The following PIGL variants were observed in gnomAD, a reference collection of about 807,000 sequenced individuals.
The protein encoded by PIGL is phosphatidylinositol glycan anchor biosynthesis class L.
PIGL carries 22 observed loss-of-function variants against 31.1 expected under a neutral mutation model. That is an observed-to-expected ratio of 0.71 (90% CI 0.51 to 1.01). The LOEUF is 1.01. Ranked by LOEUF, PIGL falls within the 50% of genes least tolerant of loss-of-function variation. The probability of loss-of-function intolerance (pLI) is 0.00; values close to 1 mark genes in which losing one functional copy is unlikely to be tolerated. For missense variants in PIGL, 302 were observed against 315.9 expected (o/e 0.96, Z 0.33); for synonymous variants, 131 against 117.4 (o/e 1.12, Z -0.75).
At chr17:16,220,444 GTTA>G (rs2092621748) in intron 1 of PIGL, among the ~76,000 whole-genome samples, 1 of 132,642 alleles carries the variant, frequency 7.5e-6, no homozygotes, top group Non-Finnish European at 1.6e-5. Context: ...TTTATTGTAT[GTTA>G]TTTATTCTTT....
chr17:16,299,253 A>G (rs1246531872), intron 2 of PIGL, among the ~76,000 whole-genome samples: 1 of 151,528 alleles, frequency 6.6e-6, no homozygotes, highest in Non-Finnish European at 1.5e-5. Context: ...TCAGGAGTTC[A>G]AGACCAGGCT....
intron 6 of PIGL, chr17:16,324,238 T>A (rs1360869851): frequency 6.6e-6 from 1 of 152,128 alleles, no homozygotes; most frequent in Non-Finnish European, 1.5e-5. Flanking sequence ...GTGCTGAGGT[T>A]ACAGGCATGA....
At chr17:16,275,874 A>C (rs1239143290) in intron 2 of PIGL, among the ~76,000 whole-genome samples, 1 of 152,148 alleles carries the variant, frequency 6.6e-6, no homozygotes, top group African/African-American at 2.4e-5. Context: ...AAATATAAAA[A>C]TTAGCCAGGT....
chr17:16,235,530 T>C (rs1322758279), intron 2 of PIGL, among the ~76,000 whole-genome samples: 2 of 131,136 alleles, frequency 1.5e-5, no homozygotes, highest in Non-Finnish European at 3.1e-5. Flanking sequence ...CACTGCAACC[T>C]CCACCTCCTG....
intron 6 of PIGL, among the ~76,000 whole-genome samples, chr17:16,325,332 C>CAAAAAAAAAAAAAA (rs55958956): frequency 2.9e-5 from 2 of 69,278 alleles, no homozygotes. Context: ...GCAACAGGCT[C>CAAAAAAAAAAAAAA]AAAAAAAAAA....
intron 1 of PIGL, among the ~76,000 whole-genome samples, chr17:16,228,050 CTTTT>C (rs113533456): frequency 2.3e-5 from 3 of 127,844 alleles, no homozygotes; most frequent in Admixed American, 7.9e-5. Context: ...CCATTTTAAA[CTTTT>C]TTTTTTTTTT....
chr17:16,276,815 C>A (rs2092897913), intron 2 of PIGL, among the ~76,000 whole-genome samples: 1 of 152,204 alleles, frequency 6.6e-6, no homozygotes, highest in Non-Finnish European at 1.5e-5. Context: ...GTTTTTCTCT[C>A]CAGTCTCCCA....
At chr17:16,245,793 TACACACACACACATATATATATATA>T (rs2092743326) in intron 2 of PIGL, among the ~76,000 whole-genome samples, 4 of 137,942 alleles carry the variant, frequency 2.9e-5, no homozygotes, top group African/African-American at 1.1e-4. Context: ...TATATATATA[TACACACACACACATATATATATATA>T]TATTTTTTTT....
rs1220919620 is a variant in PIGL at position 16,295,429 on chromosome 17, A to ATATG, written c.336-4452_336-4449dup. 5.4e-3 allele frequency among the ~76,000 whole-genome samples: 815 copies of ATATG among 151,484 alleles called. 13 individuals carry two copies. Among genetic ancestry groups the ATATG allele is most frequent in the African/African-American group, 0.018 (752 of 41,318 alleles). ...AAAAAAAAAAAAAAAGTATATATAT[A>ATATG]TATGTATGTAAAATACTAGTAAAAT... On this transcript the variant is annotated intron_variant, in intron 2 of 6. Transcript: ENST00000225609.
intron 2 of PIGL, 100 bp downstream of exon 2, chr17:16,234,170 C>A: frequency 1.4e-6 from 1 of 699,418 alleles, no homozygotes; most frequent in Non-Finnish European, 2.5e-6. Flanking sequence ...CTGAGAACAT[C>A]TTGTATGAAA....
intron 1 of PIGL, among the ~76,000 whole-genome samples, chr17:16,228,156 A>G (rs2092661153): frequency 1.3e-5 from 2 of 150,078 alleles, no homozygotes; most frequent in Non-Finnish European, 1.5e-5. Context: ...GGTTCAAGCA[A>G]TTCTCCTACC....
At chr17:16,261,447 A>G (rs758699692) in intron 2 of PIGL, among the ~76,000 whole-genome samples, 5 of 152,244 alleles carry the variant, frequency 3.3e-5, no homozygotes, top group Non-Finnish European at 7.3e-5. Flanking sequence ...AAAAACTTTT[A>G]TGCATCAAAG....
At chr17:16,269,568 T>A (rs1024408800) in intron 2 of PIGL, among the ~76,000 whole-genome samples, 3 of 151,836 alleles carry the variant, frequency 2.0e-5, no homozygotes, top group Non-Finnish European at 4.4e-5. Context: ...GGAGAATTGC[T>A]TAAATCCAGG....
chr17:16,316,778 A>C, intron 5 of PIGL, 66 bp downstream of exon 5: 1 of 1,596,448 alleles, frequency 6.3e-7, no homozygotes, highest in Non-Finnish European at 8.6e-7. Context: ...ATGAGGGGGA[A>C]ATTTGCAAAT....
At position 16,317,551 on chromosome 17, in the gene PIGL, C is replaced by G. The variant is rs769046136; in HGVS notation, c.527-224C>G. ...CCAACCTTTTTCTGGTAGGGCACAC[C>G]GCAGGGTAGAGGGTAGCCAGCCAGG... On this transcript the variant is annotated intron_variant, in intron 5 of 6. Transcript: ENST00000225609. 18 of 1,312,702 alleles carry G rather than the reference C, an allele frequency of 1.4e-5. No individual in the cohort carries two copies. The African/African-American group carries it at 2.7e-4, about 19-fold the overall frequency. The allele number at this position is 1,312,702 out of a possible 1,614,324, so 81.3% of individuals were successfully genotyped here.
At chr17:16,280,382 C>A (rs1267942191) in intron 2 of PIGL, among the ~76,000 whole-genome samples, 1 of 152,210 alleles carries the variant, frequency 6.6e-6, no homozygotes, top group Non-Finnish European at 1.5e-5. Flanking sequence ...AATTAGTTAA[C>A]TTTGAGTGAT....
At chr17:16,317,726 G>A in intron 5 of PIGL, 49 bp from the exon 6 acceptor site, 3 of 1,610,000 alleles carry the variant, frequency 1.9e-6, no homozygotes, top group Non-Finnish European at 2.5e-6. Context: ...GGAAAATCTG[G>A]CTGGAGGCCT....
intron 2 of PIGL, among the ~76,000 whole-genome samples, chr17:16,284,913 A>T (rs2142801555): frequency 6.6e-6 from 1 of 152,334 alleles, no homozygotes; most frequent in East Asian, 1.9e-4. Flanking sequence ...GTATTGATAA[A>T]TCGACTCTGT....
chr17:16,257,536 T>C (rs2092799414), intron 2 of PIGL, among the ~76,000 whole-genome samples: 1 of 152,136 alleles, frequency 6.6e-6, no homozygotes, highest in African/African-American at 2.4e-5. Flanking sequence ...AAGTCCAAGG[T>C]GCAGCATGTA....
Sources: allele counts gnomAD v4.1 joint callset (sites outside exome capture counted in the v4.1 genomes callset), GRCh38; gene constraint gnomAD v4.1.1; transcripts MANE v1.5; gene names NCBI Gene and HGNC (gene_info 2026-07-23, HGNC 2026-07-21).